The following MDM4 variants were observed in gnomAD, a reference collection of about 807,000 sequenced individuals.
MDM4 encodes the protein MDM4 regulator of p53.
A neutral mutation model predicts 60.2 loss-of-function variants in MDM4; 2 were observed. That is an observed-to-expected ratio of 0.03 (90% CI 0.01 to 0.10). The LOEUF (loss-of-function observed/expected upper bound fraction) is 0.10, where lower values mean the gene tolerates loss of function less well. MDM4 is among the 10% of genes least tolerant of loss of function. The pLI, the probability that MDM4 is intolerant of heterozygous loss-of-function variation, is 1.00. For synonymous variants in MDM4, 202 were observed against 198.1 expected (o/e 1.02, Z -0.17); for missense variants, 447 against 577.5 (o/e 0.77, Z 2.32).
intron 5 of MDM4, chr1:204,536,794 A>G (rs1191603987): frequency 1.1e-5 from 2 of 188,882 alleles, no homozygotes; most frequent in Non-Finnish European, 2.2e-5. Flanking sequence ...GAAAAACTTT[A>G]TTTGCTGCTG....
intron 2 of MDM4, among the ~76,000 whole-genome samples, 196 bp downstream of exon 2, chr1:204,525,792 T>C (rs1361451207): frequency 4.6e-5 from 7 of 151,924 alleles, no homozygotes; most frequent in Non-Finnish European, 1.5e-5. Context: ...AAAGAAAAAA[T>C]TAGCTAGATG....
intron 10 of MDM4, 33 bp from the exon 11 acceptor site, chr1:204,549,080 C>T: frequency 7.6e-7 from 1 of 1,317,752 alleles, no homozygotes; most frequent in South Asian, 1.3e-5. Context: ...TATTAACCCC[C>T]TGAGTATTAA....
intron 10 of MDM4, 84 bp from the exon 11 acceptor site, chr1:204,549,029 A>T: frequency 3.7e-6 from 3 of 815,988 alleles, no homozygotes; most frequent in African/African-American, 1.7e-5. Flanking sequence ...TAGTGAGAGG[A>T]TGTGAATGAA....
At chr1:204,533,037 C>G (rs890656292) in intron 5 of MDM4, among the ~76,000 whole-genome samples, 39 of 152,146 alleles carry the variant, frequency 2.6e-4, no homozygotes, top group Non-Finnish European at 8.8e-5. Context: ...TCAGTCTGAT[C>G]CATCTGTTAC....
intron 10 of MDM4, among the ~76,000 whole-genome samples, 176 bp from the exon 11 acceptor site, chr1:204,548,937 G>A (rs1662936295): frequency 6.6e-6 from 1 of 152,114 alleles, no homozygotes; most frequent in South Asian, 2.1e-4. Flanking sequence ...GGCACTATCA[G>A]TGTAAACCTT....
chr1:204,543,801 A>T lies in MDM4; in HGVS notation c.673-734A>T, dbSNP rs139915032. ...TTCTCCATAGTACTTCTCACTTTGT[A>T]AAAATATTGCTATATTTTATGTATG... is the stretch of plus-strand genomic sequence containing the variant. On this transcript the variant is annotated intron_variant, in intron 8 of 10. Coordinates refer to ENST00000367182, the MANE Select transcript of MDM4 (RefSeq NM_002393.5). 2.9e-3 allele frequency among the ~76,000 whole-genome samples: 447 copies of T among 152,322 alleles called. 2 individuals carry two copies. Among genetic ancestry groups the T allele is most frequent in the African/African-American group, 0.01 (425 of 41,564 alleles).
Position 204,550,130 on chromosome 1 carries a change from G to GTTTTT in MDM4, c.*458_*462dup. ...CAGCTATTTCATGGCTCTCACCCTA[G>GTTTTT]TTTTTTTTTTTTTTGCACTTTTTTT... is the stretch of plus-strand genomic sequence containing the variant. On this transcript the variant is annotated 3_prime_UTR_variant, in exon 11 of 11. Coordinates refer to ENST00000367182, the MANE Select transcript of MDM4 (RefSeq NM_002393.5). The GTTTTT allele has an allele frequency of 9.6e-6, 2 of 209,316 alleles. No homozygotes were observed. The highest frequency in any genetic ancestry group is 6.4e-5 in the Admixed American group (1 of 15,650). 13.0% of individuals were successfully genotyped at this position (209,316 alleles called of 1,614,324 possible).
At chr1:204,540,396 G>C (rs552120725) in intron 7 of MDM4, among the ~76,000 whole-genome samples, 2 of 152,290 alleles carry the variant, frequency 1.3e-5, no homozygotes, top group East Asian at 3.9e-4. Context: ...GTAGTCACCA[G>C]ATCTTTGCCA....
intron 5 of MDM4, among the ~76,000 whole-genome samples, chr1:204,534,332 C>T (rs901740116): frequency 6.6e-6 from 1 of 152,190 alleles, no homozygotes; most frequent in Non-Finnish European, 1.5e-5. Flanking sequence ...GTTTGAGATA[C>T]ATGGAGGATT....
intron 5 of MDM4, among the ~76,000 whole-genome samples, chr1:204,536,200 C>T (rs901329834): frequency 6.6e-6 from 1 of 152,142 alleles, no homozygotes; most frequent in African/African-American, 2.4e-5. Flanking sequence ...TTTAGTGAGC[C>T]GAGATTGCGC....
chr1:204,531,237 A>C (rs1660822419), intron 4 of MDM4, among the ~76,000 whole-genome samples: 2 of 152,218 alleles, frequency 1.3e-5, no homozygotes, highest in Admixed American at 6.5e-5. Flanking sequence ...ATTGAACACC[A>C]TGTGTAAAGG....
chr1:204,554,105 G>A lies in MDM4; in HGVS notation c.*4423G>A. 4.4e-6 allele frequency: 1 copy of A among 229,264 alleles called. No homozygotes were observed. Among genetic ancestry groups the A allele is most frequent in the Non-Finnish European group, 8.6e-6 (1 of 115,612 alleles). The allele number at this position is 229,264 out of a possible 1,614,324, so 14.2% of individuals were successfully genotyped here. A position where few individuals can be genotyped will look rare whatever the true frequency, so the allele number is the denominator to read the frequency against. On this transcript the variant is annotated 3_prime_UTR_variant, in exon 11 of 11. Coordinates refer to ENST00000367182, the MANE Select transcript of MDM4 (RefSeq NM_002393.5). ...GGGTCAAGGTCATTTGTAACATTTT[G>A]TGTGTGTCAATTCAATGCAATGTTG...
intron 5 of MDM4, among the ~76,000 whole-genome samples, chr1:204,534,333 A>G (rs776380349): frequency 3.9e-5 from 6 of 152,236 alleles, no homozygotes; most frequent in Non-Finnish European, 7.3e-5. Context: ...TTTGAGATAC[A>G]TGGAGGATTT....
In MDM4 at chr1:204,544,577, T is replaced by C; in HGVS notation, c.715T>C (p.Trp239Arg). ...TGTTTCAGATACTACAGATGACTTG[T>C]GGTTTTTGAATGAGTCAGTATCAGA... is the stretch of plus-strand genomic sequence containing the variant. Reference protein sequence around the residue: ...AIVSDTTDDLWFLNESVSEQL... With the variant: ...AIVSDTTDDLRFLNESVSEQL... Residue 239 changes from tryptophan to arginine, a missense_variant, in exon 9 of 11, where the codon TGG (tryptophan) becomes CGG (arginine). Coordinates refer to ENST00000367182, the MANE Select transcript of MDM4 (RefSeq NM_002393.5). 3 of 1,613,656 alleles carry C rather than the reference T, an allele frequency of 1.9e-6. No individual in the cohort carries two copies. Among genetic ancestry groups the C allele is most frequent in the Non-Finnish European group, 2.5e-6 (3 of 1,179,720 alleles).
intron 8 of MDM4, 130 bp from the exon 9 acceptor site, chr1:204,544,405 A>G (rs984849763): frequency 2.2e-5 from 18 of 829,094 alleles, no homozygotes; most frequent in Middle Eastern, 7.5e-4. Flanking sequence ...ATACATGTCC[A>G]CTGAATAAAG....
intron 5 of MDM4, among the ~76,000 whole-genome samples, chr1:204,536,639 T>C (rs1661454619): frequency 6.6e-6 from 1 of 152,330 alleles, no homozygotes; most frequent in African/African-American, 2.4e-5. Flanking sequence ...GCTTGATCTT[T>C]TCGTGTAGCC....
chr1:204,555,054 A>G lies in MDM4; in HGVS notation c.*5372A>G, dbSNP rs1016341996. The stretch of plus-strand genomic sequence containing the variant: ...GATAGCTAATATTTTTTGGTACTTT[A>G]TCTGAAATCCAAGATGCTGCTTCCC... On this transcript the variant is annotated 3_prime_UTR_variant, in exon 11 of 11. Transcript: ENST00000367182. 9.3e-6 allele frequency: 2 copies of G among 215,864 alleles called. No individual in the cohort carries two copies. Among genetic ancestry groups the G allele is most frequent in the Non-Finnish European group, 1.9e-5 (2 of 107,150 alleles). The allele number at this position is 215,864 out of a possible 1,614,324, so 13.4% of individuals were successfully genotyped here. A position where few individuals can be genotyped will look rare whatever the true frequency, so the allele number is the denominator to read the frequency against.
At chr1:204,525,682 A>C (rs1660066543) in intron 2 of MDM4, 86 bp downstream of exon 2, 5 of 906,680 alleles carry the variant, frequency 5.5e-6, no homozygotes, top group Non-Finnish European at 6.6e-6. Flanking sequence ...CTGTAATCCC[A>C]GCACTTTGAG....
At position 204,554,627 on chromosome 1, in the gene MDM4, AG is replaced by A. The variant is rs1572539152; in HGVS notation, c.*4946del. 4.4e-6 allele frequency: 1 copy of A among 227,604 alleles called. No individual in the cohort carries two copies. The highest frequency in any genetic ancestry group is 6.3e-5 in the East Asian group (1 of 15,842). The allele number at this position is 227,604 out of a possible 1,614,324, so 14.1% of individuals were successfully genotyped here. ...CTTGTGAGTAAACAAGTTGAAGTTTAGCAGATGAGGGGGAATATTGAGGCCC... is the reference window on the plus strand; with the variant it reads ...CTTGTGAGTAAACAAGTTGAAGTTTACAGATGAGGGGGAATATTGAGGCCC... On this transcript the variant is annotated 3_prime_UTR_variant, in exon 11 of 11. Transcript: ENST00000367182.
Sources: gnomAD v4.1 joint callset for allele counts (sites outside exome capture counted in the v4.1 genomes callset) on GRCh38, gnomAD v4.1.1 for gene constraint, MANE v1.5 for transcripts, NCBI Gene and HGNC (gene_info 2026-07-23, HGNC 2026-07-21) for gene names.